DSP: variants seen among roughly 807,000 people sequenced by gnomAD.
DSP encodes desmoplakin.
Under a neutral mutation model 290.6 loss-of-function variants are expected in DSP, and 114 were observed. The observed-to-expected ratio is 0.39, with a 90% CI of 0.34 to 0.46. DSP has a LOEUF of 0.46. Ranked by LOEUF, DSP falls within the 20% of genes least tolerant of loss-of-function variation. The probability of loss-of-function intolerance (pLI) is 0.99; values close to 1 mark genes in which losing one functional copy is unlikely to be tolerated. For synonymous variants in DSP, 1,311 were observed against 1,316.4 expected, an observed-to-expected ratio of 1.00 and a Z score of 0.09; for missense variants, 3,230 against 3,495.8, an observed-to-expected ratio of 0.92 and a Z score of 1.92.
rs1455728595 is a variant in DSP at position 7,584,067 on chromosome 6, A to G, written c.6805A>G (p.Lys2269Glu). ...CIAGIYNETT[K>E]QKLGIYEAMK... ...AGCAGGCATATACAATGAGACCACA[A>G]AACAGAAGCTTGGCATTTATGAGGC... Residue 2269 changes from lysine to glutamate, a missense_variant, in exon 24 of 24, where the codon AAA (lysine) becomes GAA (glutamate). By Grantham distance (56) the Lys-to-Glu change is moderately conservative. Around this residue, in one of 5 missense-constraint regions of DSP, gnomAD observed 207 missense variants for 281.2 expected, o/e 0.74. Transcript: ENST00000379802. The surrounding 1 kb of genome is among the most constrained non-coding windows in gnomAD (Gnocchi z 6.4). 1.2e-6 allele frequency: 2 copies of G among 1,614,184 alleles called. No homozygotes were observed.
At chr6:7,547,578 G>A (rs1448208889) in intron 1 of DSP, among the ~76,000 whole-genome samples, 3 of 151,454 alleles carry the variant, frequency 2.0e-5, no homozygotes, top group Non-Finnish European at 2.9e-5. Context: ...ACAGGCGTGC[G>A]CCACCATACA....
Position 7,580,089 on chromosome 6 carries a change from A to G in DSP, c.3899A>G (p.Gln1300Arg), listed in dbSNP as rs1060500619. The G allele has an allele frequency of 6.2e-7, 1 of 1,614,142 alleles. No homozygotes were observed. The highest frequency in any genetic ancestry group is 1.7e-5 in the Admixed American group (1 of 60,022). ...GAGATAGAACTGAAGCAGGTCATGC[A>G]GCAGCGCTCTGAGGACAATGCCCGG... is the stretch of plus-strand genomic sequence containing the variant. ...HLEIELKQVM[Q>R]QRSEDNARHK... The change falls in exon 23 of 24, where the codon CAG (glutamine) becomes CGG (arginine). Residue 1300 changes from glutamine (Q) to arginine (R), a missense_variant. Transcript: ENST00000379802. The surrounding 1 kb of genome is among the most constrained non-coding windows in gnomAD (Gnocchi z 4.2).
At chr6:7,552,916 T>G (rs1188647329) in intron 1 of DSP, among the ~76,000 whole-genome samples, 4 of 152,202 alleles carry the variant, frequency 2.6e-5, no homozygotes, top group Admixed American at 1.3e-4. Flanking sequence ...AAAAAGAAGT[T>G]GGCAAGTTTT....
chr6:7,570,515 C>T lies in DSP; in HGVS notation c.1653C>T (p.His551=). The change falls in exon 13 of 24, where the codon CAC becomes CAT. Residue 551 remains histidine (H), a synonymous_variant. Coordinates refer to ENST00000379802, the MANE Select transcript of DSP (RefSeq NM_004415.4). ...YINMKSLVSW[H]YCMIDIEKIR... ...ACATGAAGAGCCTGGTGTCCTGGCACTACTGCATGATTGACATAGAGAAGA... is the reference window on the plus strand; with the variant it reads ...ACATGAAGAGCCTGGTGTCCTGGCATTACTGCATGATTGACATAGAGAAGA... 6.2e-7 allele frequency: 1 copy of T among 1,614,036 alleles called. No homozygotes were observed.
chr6:7,565,742 G>A lies in DSP; in HGVS notation c.939+222G>A. On this transcript the variant is annotated intron_variant, in intron 7 of 23. Transcript: ENST00000379802. The surrounding 1 kb of genome is among the most constrained non-coding windows in gnomAD (Gnocchi z 4.2). Reference sequence around the variant, plus strand: ...GGGAACAGAAAACCAAATACCACATGTTCTCACTTAGGAGTGGGAACTAAA... The same window carrying A: ...GGGAACAGAAAACCAAATACCACATATTCTCACTTAGGAGTGGGAACTAAA... 3.5e-6 allele frequency: 2 copies of A among 565,410 alleles called. No individual in the cohort carries two copies. The highest frequency in any genetic ancestry group is 2.8e-5 in the Admixed American group (1 of 35,550). The allele number at this position is 565,410 out of a possible 1,614,324, so 35.0% of individuals were successfully genotyped here.
intron 1 of DSP, among the ~76,000 whole-genome samples, chr6:7,551,705 C>A (rs1394456494): frequency 6.6e-6 from 1 of 152,076 alleles, no homozygotes; most frequent in East Asian, 1.9e-4. Context: ...GCTACACATA[C>A]AGCTGGTGTA....
intron 13 of DSP, among the ~76,000 whole-genome samples, 166 bp from the exon 14 acceptor site, chr6:7,571,217 C>T (rs1007723603): frequency 6.6e-6 from 1 of 151,096 alleles, no homozygotes; most frequent in African/African-American, 2.4e-5. Flanking sequence ...TCCTGTGGCT[C>T]TTGGGAACAA....
intron 6 of DSP, among the ~76,000 whole-genome samples, chr6:7,564,544 T>A (rs1440591654): frequency 1.3e-5 from 2 of 152,280 alleles, no homozygotes; most frequent in Non-Finnish European, 2.9e-5. Context: ...CCCCTTATAG[T>A]CCAAAACTAA....
chr6:7,545,075 T>G (rs1758133899), intron 1 of DSP, among the ~76,000 whole-genome samples: 1 of 152,208 alleles, frequency 6.6e-6, no homozygotes, highest in Non-Finnish European at 1.5e-5. Context: ...AGATCTTTCT[T>G]TCACCCATCA....
At chr6:7,554,284 AG>A (rs1356246765) in intron 1 of DSP, among the ~76,000 whole-genome samples, 1 of 152,204 alleles carries the variant, frequency 6.6e-6, no homozygotes, top group Admixed American at 6.5e-5. Flanking sequence ...AAACTACAGT[AG>A]GCTGTGCTGT....
rs926840824 is a variant in DSP at position 7,547,603 on chromosome 6, T to A, written c.170+5518T>A. 3.5e-3 allele frequency among the ~76,000 whole-genome samples: 198 copies of A among 57,020 alleles called. 1 individual carries two copies. Among genetic ancestry groups the A allele is most frequent in the African/African-American group, 0.015 (191 of 12,906 alleles). The allele number at this position is 57,020 out of a possible 152,430, so 37.4% of individuals were successfully genotyped here. ...GCCACCATACACAACTAATTAAAATTTTTTTTTTTTTTTTGTAGAGACAAG... is the reference window on the plus strand; with the variant it reads ...GCCACCATACACAACTAATTAAAATATTTTTTTTTTTTTTGTAGAGACAAG... On this transcript the variant is annotated intron_variant, in intron 1 of 23. Transcript: ENST00000379802.
In DSP at chr6:7,566,015, T is replaced by A. The variant is rs563600832; in HGVS notation, c.940-362T>A. Among the ~76,000 whole-genome samples the A allele has an allele frequency of 8.5e-5, 13 of 152,302 alleles. No individual in the cohort carries two copies. In the South Asian group the frequency reaches 1.2e-3, roughly 15 times the overall value. On this transcript the variant is annotated intron_variant, in intron 7 of 23. Transcript: ENST00000379802. ...AAGAAAAAGAGGGGCAATACCTTGT[T>A]TAATATCCCAGAAGACCGTAGTTTG...
At chr6:7,560,160 A>C (rs1160351616) in intron 4 of DSP, among the ~76,000 whole-genome samples, 3 of 152,222 alleles carry the variant, frequency 2.0e-5, no homozygotes, top group African/African-American at 7.2e-5. Flanking sequence ...CCTTCCCTTG[A>C]GAATGTGGAT....
intron 1 of DSP, among the ~76,000 whole-genome samples, chr6:7,551,053 C>T (rs940382645): frequency 6.6e-6 from 1 of 151,968 alleles, no homozygotes; most frequent in Non-Finnish European, 1.5e-5. Context: ...TCCCAAACTG[C>T]ACTATATGAA....
chr6:7,558,217 C>G lies in DSP; in HGVS notation c.375C>G (p.Ile125Met), dbSNP rs1190802459. 6.2e-7 allele frequency: 1 copy of G among 1,614,180 alleles called. No homozygotes were observed. The highest frequency in any genetic ancestry group is 1.3e-5 in the African/African-American group (1 of 75,040). The stretch of plus-strand genomic sequence containing the variant: ...AAATGGAAATCCTCGACAGCTTGAT[C>G]AGAGAGATGCGGCAGATGGGCCAGC... ...NDQMEILDSL[I>M]REMRQMGQPC... The change falls in exon 3 of 24, where the codon ATC (isoleucine) becomes ATG (methionine). Residue 125 changes from isoleucine (I) to methionine (M), a missense_variant. Ile to Met is a conservative substitution (Grantham distance 10). Transcript: ENST00000379802.
At chr6:7,570,400 G>T (rs752589035) in intron 12 of DSP, 37 bp from the exon 13 acceptor site, 4 of 1,613,996 alleles carry the variant, frequency 2.5e-6, no homozygotes, top group Non-Finnish European at 3.4e-6. Context: ...AAGTGTGAAA[G>T]CCTGGCTCTA....
intron 1 of DSP, 137 bp from the exon 2 acceptor site, chr6:7,555,581 G>A (rs1483162553): frequency 6.9e-6 from 5 of 726,658 alleles, no homozygotes; most frequent in African/African-American, 1.7e-5. Context: ...ACAACAAAAT[G>A]TTAACAATTG....
chr6:7,550,339 G>T (rs1481028374), intron 1 of DSP, among the ~76,000 whole-genome samples: 2 of 152,146 alleles, frequency 1.3e-5, no homozygotes, highest in Non-Finnish European at 2.9e-5. Context: ...ACAGGCATGA[G>T]CCACGGCACC....
chr6:7,579,138 A>C lies in DSP; in HGVS notation c.3085-137A>C. The C allele has an allele frequency of 8.3e-7, 1 of 1,199,322 alleles. No homozygotes were observed. Among genetic ancestry groups the C allele is most frequent in the Non-Finnish European group, 1.2e-6 (1 of 855,718 alleles). 74.3% of individuals were successfully genotyped at this position (1,199,322 alleles called of 1,614,324 possible). Reference sequence around the variant, plus strand: ...ATCCAGATTTCTTGAATATTTGCCTAGTCACTCTTTGCATGTATGTCCATG... The same window carrying C: ...ATCCAGATTTCTTGAATATTTGCCTCGTCACTCTTTGCATGTATGTCCATG... On this transcript the variant is annotated intron_variant, in intron 22 of 23. Coordinates refer to ENST00000379802, the MANE Select transcript of DSP (RefSeq NM_004415.4). This position sits in a 1 kb window ranked among gnomAD's most constrained non-coding sequence, Gnocchi z 4.1.
Sources: allele counts gnomAD v4.1 joint callset (sites outside exome capture counted in the v4.1 genomes callset), GRCh38; gene constraint gnomAD v4.1.1; regional missense constraint gnomAD v4.1.1; non-coding constraint Gnocchi (gnomAD v3.1); transcripts MANE v1.5; gene names NCBI Gene and HGNC (gene_info 2026-07-23, HGNC 2026-07-21).